Variants in GFOD1 observed in about 807,000 individuals in gnomAD.
GFOD1 encodes the protein Gfo/Idh/MocA-like oxidoreductase domain containing 1.
In GFOD1, 9 loss-of-function variants were observed where a neutral mutation model predicts 25.4. The observed-to-expected ratio is 0.35, with a 90% CI of 0.21 to 0.62. The LOEUF (loss-of-function observed/expected upper bound fraction) is 0.62. Ranked by LOEUF, GFOD1 falls within the 20% of genes least tolerant of loss-of-function variation. GFOD1 has a pLI of 0.72. For synonymous variants in GFOD1, 253 were observed against 245.6 expected, an observed-to-expected ratio of 1.03 and a Z score of -0.28; for missense variants, 403 against 556.9, an observed-to-expected ratio of 0.72 and a Z score of 2.78.
chr6:13,430,966 A>G lies in GFOD1; in HGVS notation c.253+55672T>C, dbSNP rs1468940518. ...ATGTGCTTCATCTCATTTGATATTC[A>G]CTGCCATATTTATACATCGGGAAAC... is the stretch of plus-strand genomic sequence containing the variant. On this transcript the variant is annotated intron_variant, in intron 1 of 1. Coordinates refer to ENST00000379287, the MANE Select transcript of GFOD1 (RefSeq NM_018988.4). This position sits in a 1 kb window ranked among gnomAD's most constrained non-coding sequence, Gnocchi z 4.1. Among the ~76,000 whole-genome samples, 3 of 152,230 alleles carry G rather than the reference A, an allele frequency of 2.0e-5. No individual in the cohort carries two copies. Among genetic ancestry groups the G allele is most frequent in the African/African-American group, 7.2e-5 (3 of 41,452 alleles).
intron 1 of GFOD1, among the ~76,000 whole-genome samples, chr6:13,425,803 C>A (rs1786340724): frequency 6.6e-6 from 1 of 150,418 alleles, no homozygotes. Flanking sequence ...CTTCCCTGGG[C>A]CACATTGGAA....
At chr6:13,410,583 AG>A (rs1460003832) in intron 1 of GFOD1, among the ~76,000 whole-genome samples, 2 of 29,408 alleles carry the variant, frequency 6.8e-5, no homozygotes, top group East Asian at 2.4e-3. Context: ...GAAAGGAGAG[AG>A]AGAGAGAGAG....
intron 1 of GFOD1, among the ~76,000 whole-genome samples, chr6:13,485,234 C>T (rs931654762): frequency 2.0e-5 from 3 of 152,208 alleles, no homozygotes; most frequent in African/African-American, 7.2e-5. Context: ...GATGAAAATG[C>T]CTTTCTATGG....
intron 1 of GFOD1, among the ~76,000 whole-genome samples, chr6:13,434,083 T>C (rs1302725764): frequency 6.6e-6 from 1 of 152,092 alleles, no homozygotes; most frequent in Admixed American, 6.5e-5. Flanking sequence ...GAGGCCACAA[T>C]GGGAACGGGG....
At chr6:13,470,438 T>G (rs1212629403) in intron 1 of GFOD1, 1 of 1,550,068 alleles carries the variant, frequency 6.5e-7, no homozygotes, top group Admixed American at 2.0e-5. Flanking sequence ...CATATTAAGT[T>G]AGACAGGCTG....
chr6:13,446,218 TA>T (rs986217319), intron 1 of GFOD1, among the ~76,000 whole-genome samples: 5 of 152,100 alleles, frequency 3.3e-5, no homozygotes, highest in Admixed American at 2.0e-4. Context: ...GCTTTTGAAA[TA>T]GCCACATCAT....
chr6:13,469,697 C>A, intron 1 of GFOD1: 1 of 1,170,588 alleles, frequency 8.5e-7, no homozygotes. Flanking sequence ...AAAGAAAAGC[C>A]CTTTTAGACA....
At chr6:13,381,913 G>GTGCACA (rs1785369924) in intron 1 of GFOD1, among the ~76,000 whole-genome samples, 1 of 104,526 alleles carries the variant, frequency 9.6e-6, no homozygotes, top group East Asian at 2.7e-4. Flanking sequence ...ACACGCGCGC[G>GTGCACA]CGCACACACA....
In GFOD1 at chr6:13,409,172, A is replaced by AAAGGAAGGAAAGAAAGAAAG. The variant is rs1554201904; in HGVS notation, c.254-43511_254-43510insCTTTCTTTCTTTCCTTCCTT. Among the ~76,000 whole-genome samples the AAAGGAAGGAAAGAAAGAAAG allele has an allele frequency of 2.1e-4, 11 of 53,246 alleles. 3 individuals carry two copies. The highest frequency in any genetic ancestry group is 6.2e-4 in the African/African-American group (11 of 17,728). 34.9% of individuals were successfully genotyped at this position (53,246 alleles called of 152,430 possible). A position where few individuals can be genotyped will look rare whatever the true frequency, so the allele number is the denominator to read the frequency against. On this transcript the variant is annotated intron_variant, in intron 1 of 1. Transcript: ENST00000379287. Reference sequence around the variant, plus strand: ...AAGAGAGGAAAGAAAGAAAGGAAAGAGAGAGAGAGAGAGAAAGAAAGAAAG... The same window carrying AAAGGAAGGAAAGAAAGAAAG: ...AAGAGAGGAAAGAAAGAAAGGAAAGAAAGGAAGGAAAGAAAGAAAGGAGAGAGAGAGAGAAAGAAAGAAAG...
chr6:13,385,592 G>A (rs1436704577), intron 1 of GFOD1, among the ~76,000 whole-genome samples: 1 of 152,196 alleles, frequency 6.6e-6, no homozygotes, highest in African/African-American at 2.4e-5. Flanking sequence ...AGTAAGACAA[G>A]CCAATCATCA....
intron 1 of GFOD1, among the ~76,000 whole-genome samples, chr6:13,390,599 T>C (rs1785570031): frequency 6.9e-6 from 1 of 144,530 alleles, no homozygotes; most frequent in South Asian, 2.2e-4. Context: ...TGGTGGTGCA[T>C]GCCTGTAGTC....
At chr6:13,438,889 G>C (rs1757872125) in intron 1 of GFOD1, among the ~76,000 whole-genome samples, 1 of 152,172 alleles carries the variant, frequency 6.6e-6, no homozygotes, top group South Asian at 2.1e-4. Context: ...AATGTTCTGA[G>C]AGCAGAATTG....
At position 13,361,171 on chromosome 6, in the gene GFOD1, A is replaced by G. The variant is rs1784940864; in HGVS notation, c.*3572T>C. On this transcript the variant is annotated 3_prime_UTR_variant, in exon 2 of 2. Coordinates refer to ENST00000379287, the MANE Select transcript of GFOD1 (RefSeq NM_018988.4). ...AACTGGCACAGTGGTATTTGCTGCCATGTAGGCTAAGGGGGGTCTGGGGTG... is the reference window on the plus strand; with the variant it reads ...AACTGGCACAGTGGTATTTGCTGCCGTGTAGGCTAAGGGGGGTCTGGGGTG... 3.3e-6 allele frequency: 1 copy of G among 302,498 alleles called. No individual in the cohort carries two copies. Among genetic ancestry groups the G allele is most frequent in the African/African-American group, 2.2e-5 (1 of 45,498 alleles). 18.7% of individuals were successfully genotyped at this position (302,498 alleles called of 1,614,324 possible).
chr6:13,421,115 A>G (rs1413675447), intron 1 of GFOD1, among the ~76,000 whole-genome samples: 1 of 152,190 alleles, frequency 6.6e-6, no homozygotes, highest in African/African-American at 2.4e-5. Flanking sequence ...TAAAGAGAGT[A>G]TGGTACATTT....
chr6:13,467,722 AGC>A (rs758173837), intron 1 of GFOD1, among the ~76,000 whole-genome samples: 50,403 of 152,012 alleles, frequency 0.33, 8,907 homozygotes, highest in East Asian at 0.42. Context: ...GGACTGTTCC[AGC>A]TGTTTCTGAC....
At chr6:13,449,788 A>T (rs1259706312) in intron 1 of GFOD1, among the ~76,000 whole-genome samples, 1 of 152,240 alleles carries the variant, frequency 6.6e-6, no homozygotes, top group Non-Finnish European at 1.5e-5. Context: ...CTCCCCAGCC[A>T]CATGGAACTG....
intron 1 of GFOD1, among the ~76,000 whole-genome samples, chr6:13,472,366 C>T (rs943082225): frequency 6.6e-6 from 1 of 152,200 alleles, no homozygotes; most frequent in Non-Finnish European, 1.5e-5. Flanking sequence ...TGGTATGTAG[C>T]TGGCACTCAA....
intron 1 of GFOD1, among the ~76,000 whole-genome samples, chr6:13,441,479 C>T (rs371413698): frequency 1.3e-5 from 2 of 152,130 alleles, no homozygotes; most frequent in African/African-American, 4.8e-5. Context: ...CGATTTCATA[C>T]GTTGTGTTAA....
Position 13,430,984 on chromosome 6 carries a change from C to T in GFOD1, c.253+55654G>A, listed in dbSNP as rs76021749. On this transcript the variant is annotated intron_variant, in intron 1 of 1. Coordinates refer to ENST00000379287, the MANE Select transcript of GFOD1 (RefSeq NM_018988.4). This position sits in a 1 kb window ranked among gnomAD's most constrained non-coding sequence, Gnocchi z 4.1. ...GATATTCACTGCCATATTTATACAT[C>T]GGGAAACCGAGGCATAAAGAAAGCA... Among the ~76,000 whole-genome samples the T allele has an allele frequency of 0.028, 4,324 of 152,316 alleles. 213 individuals carry two copies. Among genetic ancestry groups the T allele is most frequent in the African/African-American group, 0.096 (3,996 of 41,546 alleles).
Sources: gnomAD v4.1 joint callset for allele counts (sites outside exome capture counted in the v4.1 genomes callset) on GRCh38, gnomAD v4.1.1 for gene constraint, Gnocchi (gnomAD v3.1) non-coding constraint, MANE v1.5 for transcripts, NCBI Gene and HGNC (gene_info 2026-07-23, HGNC 2026-07-21) for gene names.